CUBN: variants seen among roughly 807,000 people sequenced by gnomAD.
CUBN encodes the protein cubilin.
A neutral mutation model predicts 405.3 loss-of-function variants in CUBN; 282 were observed. That is an observed-to-expected ratio of 0.70 (90% CI 0.63 to 0.77). The LOEUF (loss-of-function observed/expected upper bound fraction) is 0.77. Among genes scored for constraint, CUBN ranks in the 30% least tolerant of loss-of-function variants. The pLI, the probability that CUBN is intolerant of heterozygous loss-of-function variation, is 0.00. For missense variants in CUBN, 4,514 were observed against 4,475.2 expected (o/e 1.01, Z -0.25); for synonymous variants, 1,684 against 1,617.0 (o/e 1.04, Z -0.99).
chr10:16,926,453 A>T (rs1200354544), intron 41 of CUBN, among the ~76,000 whole-genome samples: 2 of 152,180 alleles, frequency 1.3e-5, no homozygotes, highest in African/African-American at 4.8e-5. Flanking sequence ...CTCTATGTGC[A>T]GTCCTTAGAC....
At chr10:17,100,882 A>G (rs796267428) in intron 13 of CUBN, among the ~76,000 whole-genome samples, 33 of 152,336 alleles carry the variant, frequency 2.2e-4, no homozygotes, top group African/African-American at 7.9e-4. Flanking sequence ...GCATACAAGA[A>G]TAACAGGAAA....
intron 28 of CUBN, among the ~76,000 whole-genome samples, chr10:17,017,819 T>C (rs1039264119): frequency 2.6e-5 from 4 of 152,136 alleles, no homozygotes; most frequent in Admixed American, 2.6e-4. Context: ...GGAGTGGTTT[T>C]TAGAAGCGGG....
chr10:16,831,921 A>G (rs752344719), intron 64 of CUBN, among the ~76,000 whole-genome samples: 2 of 152,230 alleles, frequency 1.3e-5, no homozygotes. Context: ...AATACAATGC[A>G]AAGTATAATA....
intron 14 of CUBN, among the ~76,000 whole-genome samples, chr10:17,098,086 AAGTTTC>A (rs1836414092): frequency 6.6e-6 from 1 of 152,182 alleles, no homozygotes; most frequent in Non-Finnish European, 1.5e-5. Context: ...GCCACGAAGA[AAGTTTC>A]ACTATTCTAA....
At chr10:16,847,607 C>T (rs1242178117) in intron 60 of CUBN, among the ~76,000 whole-genome samples, 2 of 152,232 alleles carry the variant, frequency 1.3e-5, no homozygotes. Context: ...CAAGAGATGT[C>T]TTTAACTCTC....
chr10:16,913,900 T>C lies in CUBN; in HGVS notation c.7444A>G (p.Ile2482Val), dbSNP rs1564420617. The C allele has an allele frequency of 6.2e-6, 10 of 1,614,090 alleles. No homozygotes were observed. The highest frequency in any genetic ancestry group is 8.5e-6 in the Non-Finnish European group (10 of 1,180,012). The change falls in exon 48 of 67, where the codon ATC (isoleucine) becomes GTC (valine). Residue 2482 changes from isoleucine (I) to valine (V), a missense_variant. Physicochemically the swap from Ile to Val is conservative, Grantham distance 29. This residue lies in a region of CUBN where 1,613 missense variants were observed against 1,542.8 expected (regional missense o/e 1.05). Coordinates refer to ENST00000377833, the MANE Select transcript of CUBN (RefSeq NM_001081.4). ...ATCCGCCTTCCCTCCGGGGCAGTGA[T>C]TCTCCACTCGCAGATCCGGCCATGA... ...NPHGRICEWR[I>V]TAPEGRRITL... is the part of the protein sequence containing the mutation.
chr10:17,037,291 T>C (rs1834922890), intron 27 of CUBN, among the ~76,000 whole-genome samples: 1 of 152,196 alleles, frequency 6.6e-6, no homozygotes, highest in Non-Finnish European at 1.5e-5. Context: ...TGCAAATGAA[T>C]AATGCTCTGA....
chr10:16,909,222 A>G (rs1245894144), intron 48 of CUBN, among the ~76,000 whole-genome samples: 16 of 152,214 alleles, frequency 1.1e-4, no homozygotes, highest in African/African-American at 3.9e-4. Flanking sequence ...AATTAATCAA[A>G]TTTAGCTCTC....
intron 31 of CUBN, among the ~76,000 whole-genome samples, chr10:16,961,771 G>A (rs892308242): frequency 8.5e-5 from 12 of 141,496 alleles, no homozygotes; most frequent in African/African-American, 3.2e-4. Context: ...GAGTGCAGTG[G>A]CGGGATCTCG....
rs779024712 is a variant in CUBN at position 16,915,090 on chromosome 10, G to A, written c.7293C>T (p.Val2431=). 6 of 1,614,110 alleles carry A rather than the reference G, an allele frequency of 3.7e-6. No homozygotes were observed. Among genetic ancestry groups the A allele is most frequent in the Non-Finnish European group, 5.1e-6 (6 of 1,180,002 alleles). The change falls in exon 47 of 67, where the codon GTC becomes GTT. Residue 2431 remains valine (V), a synonymous_variant. Transcript: ENST00000377833. ...TSSNTAVVRF[V]TDGSVTASGF... is the part of the protein sequence containing the mutation. Reference sequence around the variant, plus strand: ...CTGAGGCAGTCACAGAGCCGTCTGTGACAAACCTGACCACAGCAGTATTGC... The same window carrying A: ...CTGAGGCAGTCACAGAGCCGTCTGTAACAAACCTGACCACAGCAGTATTGC...
intron 31 of CUBN, among the ~76,000 whole-genome samples, chr10:16,976,048 G>A (rs567060067): frequency 1.6e-4 from 23 of 148,200 alleles, no homozygotes; most frequent in African/African-American, 5.8e-4. Flanking sequence ...TGTGCTCACT[G>A]CAACTCCTGC....
Position 16,915,042 on chromosome 10 carries a change from G to A in CUBN, c.7341C>T (p.Ser2447=), listed in dbSNP as rs759085442. ...AATCAATGAACTCACCTTCCATACT[G>A]GATTCAAATCGCAGTCTGAATCCTG... ...TASGFRLRFE[S]SMEECGGDLQ... Residue 2447 remains serine (S), a synonymous_variant, in exon 47 of 67, where the codon TCC becomes TCT. Coordinates refer to ENST00000377833, the MANE Select transcript of CUBN (RefSeq NM_001081.4). 1 of 1,613,836 alleles carries A rather than the reference G, an allele frequency of 6.2e-7. No individual in the cohort carries two copies. The highest frequency in any genetic ancestry group is 8.5e-7 in the Non-Finnish European group (1 of 1,179,922).
chr10:16,831,504 T>C (rs1281677078), intron 64 of CUBN, 87 bp from the exon 65 acceptor site: 5 of 1,226,098 alleles, frequency 4.1e-6, no homozygotes, highest in Non-Finnish European at 2.4e-6. Context: ...AATGATGACA[T>C]TGGTCGGAAA....
intron 22 of CUBN, among the ~76,000 whole-genome samples, chr10:17,063,531 G>C (rs1327396076): frequency 1.3e-5 from 2 of 152,028 alleles, no homozygotes; most frequent in African/African-American, 4.8e-5. Context: ...TTCCTGTCCA[G>C]TTTGCTTCTA....
rs188106491 is a variant in CUBN, at chr10:16,941,037, T to C, written c.5343-800A>G. 1.3e-3 allele frequency among the ~76,000 whole-genome samples: 202 copies of C among 152,268 alleles called. 2 individuals carry two copies. The highest frequency in any genetic ancestry group is 4.0e-3 in the African/African-American group (165 of 41,568). ...AAATAGTATCTACCTCATATGATGT[T>C]CATAGGTAACATATCTAAAGAGTCT... On this transcript the variant is annotated intron_variant, in intron 36 of 66. Coordinates refer to ENST00000377833, the MANE Select transcript of CUBN (RefSeq NM_001081.4).
intron 64 of CUBN, 64 bp from the exon 65 acceptor site, chr10:16,831,481 TG>T: frequency 3.7e-6 from 5 of 1,368,858 alleles, no homozygotes; most frequent in Admixed American, 3.3e-5. Flanking sequence ...TACATTAAAA[TG>T]GAGACAATTT....
chr10:16,984,119 T>C lies in CUBN; in HGVS notation c.4511A>G (p.Gln1504Arg). The C allele has an allele frequency of 6.2e-7, 1 of 1,614,156 alleles. No homozygotes were observed. The highest frequency in any genetic ancestry group is 1.1e-5 in the South Asian group (1 of 91,076). ...TTCTCACTCACCTCCAGTGACTGCTTGCCATGACGCATTGAAGCCTCTCCC... is the reference window on the plus strand; with the variant it reads ...TTCTCACTCACCTCCAGTGACTGCTCGCCATGACGCATTGAAGCCTCTCCC... Reference protein sequence around the residue: ...INGRGFNASWQAVTGGCGGIF... With the variant: ...INGRGFNASWRAVTGGCGGIF... Residue 1504 changes from glutamine to arginine, a missense_variant, in exon 30 of 67, where the codon CAA becomes CGA. By Grantham distance (43) the Gln-to-Arg change is conservative. Coordinates refer to ENST00000377833, the MANE Select transcript of CUBN (RefSeq NM_001081.4).
chr10:16,967,908 G>T (rs899967670), intron 31 of CUBN, among the ~76,000 whole-genome samples: 3 of 109,056 alleles, frequency 2.8e-5, no homozygotes, highest in African/African-American at 3.7e-5. Flanking sequence ...GGAGAGAGAG[G>T]GGGAAAGAGG....
intron 14 of CUBN, among the ~76,000 whole-genome samples, chr10:17,098,305 G>C (rs1836420438): frequency 1.3e-5 from 2 of 152,096 alleles, no homozygotes; most frequent in Admixed American, 1.3e-4. Context: ...GTCATGTTAG[G>C]TTCTTTCCAA....
Sources: gnomAD v4.1 joint callset for allele counts (sites outside exome capture counted in the v4.1 genomes callset) on GRCh38, gnomAD v4.1.1 for gene constraint, gnomAD v4.1.1 regional missense constraint, MANE v1.5 for transcripts, NCBI Gene and HGNC (gene_info 2026-07-23, HGNC 2026-07-21) for gene names.